IQSEC2: variants seen among roughly 807,000 people sequenced by gnomAD.
IQSEC2 encodes the protein IQ motif and Sec7 domain ArfGEF 2.
A neutral mutation model predicts 74.6 loss-of-function variants in IQSEC2; 6 were observed. The observed-to-expected ratio is 0.08, with a 90% CI of 0.04 to 0.16. The LOEUF (loss-of-function observed/expected upper bound fraction) is 0.16, where lower values mean the gene tolerates loss of function less well. IQSEC2 is among the 10% of genes least tolerant of loss of function. IQSEC2 has a pLI of 1.00. For synonymous variants in IQSEC2, 494 were observed against 544.5 expected, an observed-to-expected ratio of 0.91 and a Z score of 1.29; for missense variants, 734 against 1,306.2, an observed-to-expected ratio of 0.56 and a Z score of 6.75.
At chrX:53,251,299 A>G (rs2074388044) in intron 4 of IQSEC2, 125 bp from the exon 5 acceptor site, 2 of 717,659 alleles carry the variant, frequency 2.8e-6, no homozygotes, top group Non-Finnish European at 4.2e-6. Flanking sequence ...CTGGTAGGTC[A>G]GCAAGGAGGG....
intron 2 of IQSEC2, among the ~76,000 whole-genome samples, chrX:53,283,363 T>G (rs937887520): frequency 8.9e-6 from 1 of 112,142 alleles, no homozygotes. Flanking sequence ...CCCTATCACT[T>G]TTTAGCTGGG....
chrX:53,236,260 G>A, intron 13 of IQSEC2, 62 bp downstream of exon 13: 2 of 1,110,143 alleles, frequency 1.8e-6, no homozygotes, highest in African/African-American at 1.8e-5. Context: ...CCAGTGACAG[G>A]AGGCAAAGAG....
At chrX:53,315,203 C>A (rs899912242) in intron 1 of IQSEC2, among the ~76,000 whole-genome samples, 3 of 111,653 alleles carry the variant, frequency 2.7e-5, no homozygotes, top group African/African-American at 9.8e-5. Flanking sequence ...CCAGCCTGAC[C>A]AACATGGTGA....
chrX:53,250,248 G>T (rs1556862936), intron 5 of IQSEC2, 31 bp downstream of exon 5: 1 of 1,207,103 alleles, frequency 8.3e-7, no homozygotes, highest in South Asian at 1.8e-5. Flanking sequence ...GGGTAGGAAG[G>T]GGTAAGCAGG....
intron 9 of IQSEC2, among the ~76,000 whole-genome samples, chrX:53,242,826 C>T (rs1468638760): frequency 1.8e-5 from 2 of 111,700 alleles, no homozygotes; most frequent in African/African-American, 6.5e-5. Context: ...ACCTCCGCCT[C>T]CCGGGTTCAA....
chrX:53,281,562 C>T (rs368167417), intron 2 of IQSEC2: 70 of 1,144,510 alleles, frequency 6.1e-5, no homozygotes, highest in Non-Finnish European at 8.1e-5. Flanking sequence ...CTGGCCTAGC[C>T]GGTGTCTCCA....
downstream of IQSEC2, chrX:53,231,580 G>A (rs1000273695): frequency 8.9e-6 from 1 of 111,990 alleles, no homozygotes; most frequent in Non-Finnish European, 1.9e-5. Context: ...TGGAAGGCCA[G>A]GCTCTGAAGG....
At chrX:53,282,966 A>G (rs1032451431) in intron 2 of IQSEC2, among the ~76,000 whole-genome samples, 51 of 110,615 alleles carry the variant, frequency 4.6e-4, no homozygotes, top group African/African-American at 1.6e-3. Flanking sequence ...GGAGGCTGGG[A>G]GCAGTGGGGT....
At chrX:53,240,318 A>G (rs1386721527) in intron 10 of IQSEC2, among the ~76,000 whole-genome samples, 3 of 112,188 alleles carry the variant, frequency 2.7e-5, no homozygotes, top group Admixed American at 9.4e-5. Flanking sequence ...CCTAGTAGGT[A>G]GAGACCAGGG....
chrX:53,247,014 C>T lies in IQSEC2; in HGVS notation c.2704G>A (p.Ala902Thr). 2 of 1,211,040 alleles carry T rather than the reference C, an allele frequency of 1.7e-6. No individual in the cohort carries two copies. The highest frequency in any genetic ancestry group is 2.2e-6 in the Non-Finnish European group (2 of 894,978). ...TCATCTAGTTTCATCTTTCGTTCAG[C>T]TTTGACGCTGGGACTGTACATGTCG... is the stretch of plus-strand genomic sequence containing the variant. The part of the protein sequence containing the change: ...NTDMYSPSVK[A>T]ERKMKLDDFI... Residue 902 changes from alanine (A) to threonine (T), a missense_variant, in exon 8 of 15, where the codon GCT (alanine) becomes ACT (threonine). Physicochemically the swap from Ala to Thr is moderately conservative, Grantham distance 58. Transcript: ENST00000642864.
chrX:53,288,933 C>G (rs1193793198), intron 2 of IQSEC2, among the ~76,000 whole-genome samples: 1 of 110,841 alleles, frequency 9.0e-6, no homozygotes, highest in Non-Finnish European at 1.9e-5. Flanking sequence ...CACAAGAAGT[C>G]CAGGCACCTT....
At chrX:53,277,173 C>A (rs2074847142) in intron 2 of IQSEC2, among the ~76,000 whole-genome samples, 2 of 110,664 alleles carry the variant, frequency 1.8e-5, no homozygotes, top group African/African-American at 6.6e-5. Flanking sequence ...AGAATACCAA[C>A]TGGACCTGGT....
intron 2 of IQSEC2, chrX:53,281,466 G>T: frequency 1.1e-6 from 1 of 896,543 alleles, no homozygotes. Flanking sequence ...AGGAAGGGAG[G>T]GGGCCAGGCT....
intron 2 of IQSEC2, among the ~76,000 whole-genome samples, chrX:53,257,525 C>T (rs1374424762): frequency 1.8e-5 from 2 of 111,529 alleles, no homozygotes; most frequent in Non-Finnish European, 3.8e-5. Context: ...CCACCCCCGG[C>T]ATCCAAGATG....
At chrX:53,281,603 T>A in intron 2 of IQSEC2, 1 of 1,066,972 alleles carries the variant, frequency 9.4e-7, no homozygotes, top group East Asian at 3.6e-5. Flanking sequence ...CCCCAGCCCT[T>A]CCCTAGAAGG....
At chrX:53,251,276 A>G in intron 4 of IQSEC2, 102 bp from the exon 5 acceptor site, 1 of 869,870 alleles carries the variant, frequency 1.1e-6, no homozygotes, top group Non-Finnish European at 1.6e-6. Flanking sequence ...GTAAGGAAAA[A>G]GGGGGAGTCT....
Position 53,270,417 on chromosome X carries a change from G to A in IQSEC2, c.738-14356C>T, listed in dbSNP as rs782618273. Among the ~76,000 whole-genome samples, 5 of 110,612 alleles carry A rather than the reference G, an allele frequency of 4.5e-5. No homozygotes were observed. The South Asian group carries it at 2.0e-3, about 43-fold the overall frequency. ...ACAGACCAAACACACTCTTGCCTCG[G>A]GGCCTTTACACCTGCGGTTCCTTCT... On this transcript the variant is annotated intron_variant, in intron 2 of 14. Coordinates refer to ENST00000642864, the MANE Select transcript of IQSEC2 (RefSeq NM_001111125.3).
At chrX:53,300,325 G>C (rs2075199270) in intron 1 of IQSEC2, among the ~76,000 whole-genome samples, 1 of 111,412 alleles carries the variant, frequency 9.0e-6, no homozygotes, top group Admixed American at 9.6e-5. Context: ...TCTTATTCCA[G>C]CCAACTCCTA....
chrX:53,306,395 C>T lies in IQSEC2; in HGVS notation c.707+14022G>A, dbSNP rs978992449. Reference sequence around the variant, plus strand: ...ATCAGAACCCAGGTGTCCGGTTCCTCGGCTGAGGGCTCGCTTGACTCCATG... The same window carrying T: ...ATCAGAACCCAGGTGTCCGGTTCCTTGGCTGAGGGCTCGCTTGACTCCATG... On this transcript the variant is annotated intron_variant, in intron 1 of 14. Transcript: ENST00000642864. Among the ~76,000 whole-genome samples, 6 of 111,091 alleles carry T rather than the reference C, an allele frequency of 5.4e-5. No individual in the cohort carries two copies. The East Asian group carries it at 8.6e-4, about 16-fold the overall frequency.
Sources: gnomAD v4.1 joint callset for allele counts (sites outside exome capture counted in the v4.1 genomes callset) on GRCh38, gnomAD v4.1.1 for gene constraint, MANE v1.5 for transcripts, NCBI Gene and HGNC (gene_info 2026-07-23, HGNC 2026-07-21) for gene names.